The following KRT15 variants were observed in gnomAD, a reference collection of about 807,000 sequenced individuals.
KRT15 encodes the protein keratin, type I cytoskeletal 15.
A neutral mutation model predicts 46.6 loss-of-function variants in KRT15; 45 were observed. The ratio of observed to expected loss-of-function variants is 0.97; its 90% CI spans 0.76 to 1.24. The LOEUF (loss-of-function observed/expected upper bound fraction) is 1.24, where lower values mean the gene tolerates loss of function less well. Ranked by LOEUF, KRT15 falls within the 50% of genes most tolerant of loss-of-function variation. The pLI, the probability that KRT15 is intolerant of heterozygous loss-of-function variation, is 0.00. For synonymous variants in KRT15, 221 were observed against 233.8 expected, an observed-to-expected ratio of 0.95 and a Z score of 0.50; for missense variants, 592 against 588.9, an observed-to-expected ratio of 1.01 and a Z score of -0.05.
At position 41,516,145 on chromosome 17, in the gene KRT15, C is replaced by A. The variant is rs1481678602; in HGVS notation, c.859G>T (p.Glu287Ter). 1 of 1,614,086 alleles carries A rather than the reference C, an allele frequency of 6.2e-7. No individual in the cohort carries two copies. Among genetic ancestry groups the A allele is most frequent in the Non-Finnish European group, 8.5e-7 (1 of 1,180,042 alleles). The change falls in exon 4 of 8, where the codon GAG (glutamate) becomes TAG (stop). Residue 287 changes from glutamate to a stop codon, truncating the protein, a stop_gained. Transcript: ENST00000254043. LOFTEE classifies it high-confidence loss of function. ...EMREQYEAMA[E>*]KNRRDVEAWF... ...GCCTCGACATCCCGGCGGTTCTTCT[C>A]CGCCATGGCCTCGTACTGCTCCCTC...
chr17:41,518,577 C>G lies in KRT15; in HGVS notation c.251G>C (p.Gly84Ala), dbSNP rs760106747. Residue 84 changes from glycine to alanine, a missense_variant, in exon 1 of 8, where the codon GGC (glycine) becomes GCC (alanine). Coordinates refer to ENST00000254043, the MANE Select transcript of KRT15 (RefSeq NM_002275.4). ...GCCACCACCAAAACCCCCACCAACG[C>G]CCCCTCCAAAGCCTCCACCGAAAAC... ...GSVFGGGFGG[G>A]VGGGFGGGFG... 8.7e-6 allele frequency: 14 copies of G among 1,613,482 alleles called. No homozygotes were observed. The highest frequency in any genetic ancestry group is 1.0e-5 in the Non-Finnish European group (12 of 1,179,904).
rs895924375 is a variant in KRT15 at position 41,514,150 on chromosome 17, G to C, written c.1274-30C>G. On this transcript the variant is annotated intron_variant, in intron 7 of 7. Coordinates refer to ENST00000254043, the MANE Select transcript of KRT15 (RefSeq NM_002275.4). ...AGAGAGAAGGAGTAGGCTTTAGAGT[G>C]GGGGAACCTCCCCGCTCTGCCACGG... 3 of 1,564,066 alleles carry C rather than the reference G, an allele frequency of 1.9e-6. No individual in the cohort carries two copies. The Admixed American group carries it at 5.0e-5, about 26-fold the overall frequency.
intron 1 of KRT15, among the ~76,000 whole-genome samples, chr17:41,518,013 GC>G (rs1169185036): frequency 4.6e-5 from 7 of 152,040 alleles, no homozygotes; most frequent in African/African-American, 1.4e-4. Flanking sequence ...TATCACCTTG[GC>G]CCCCCAAAGC....
At chr17:41,514,179 C>T (rs1236731101) in intron 7 of KRT15, 59 bp from the exon 8 acceptor site, 3 of 1,371,198 alleles carry the variant, frequency 2.2e-6, no homozygotes, top group Non-Finnish European at 3.1e-6. Flanking sequence ...GCCACGGTGG[C>T]CAGGACCTTG....
intron 6 of KRT15, 33 bp downstream of exon 6, chr17:41,515,439 T>C (rs1228556955): frequency 3.1e-6 from 5 of 1,592,804 alleles, no homozygotes; most frequent in Middle Eastern, 3.3e-4. Flanking sequence ...CAAGCAGCCC[T>C]CATCACTCCT....
Position 41,518,393 on chromosome 17 carries a change from G to T in KRT15, c.435C>A (p.Thr145=), listed in dbSNP as rs780539892. 1 of 1,613,934 alleles carries T rather than the reference G, an allele frequency of 6.2e-7. No homozygotes were observed. Among genetic ancestry groups the T allele is most frequent in the Admixed American group, 1.7e-5 (1 of 59,990 alleles). ...TGTAGTCGCATTCTGGGCTGGTTGG[G>T]GTCTGCTTCTGGTACCAGTCATGGA... ...VKIHDWYQKQ[T]PTSPECDYSQ... is the part of the protein sequence containing the mutation. The change falls in exon 1 of 8, where the codon ACC becomes ACA. Residue 145 remains threonine, a synonymous_variant. Transcript: ENST00000254043.
chr17:41,517,275 C>A, intron 1 of KRT15, 110 bp from the exon 2 acceptor site: 1 of 901,828 alleles, frequency 1.1e-6, no homozygotes, highest in South Asian at 1.5e-5. Context: ...CTGACAATCA[C>A]CCCTCTGACA....
In KRT15 at chr17:41,518,746, C is replaced by T; in HGVS notation, c.82G>A (p.Gly28Ser). The T allele has an allele frequency of 6.2e-7, 1 of 1,603,060 alleles. No individual in the cohort carries two copies. ...GAGAGACTCCCCCCACCAAAGCCAC[C>T]TCCCCCAGCCAGGAGGGAACCCCCT... ...TRGGSLLAGG[G>S]GFGGGSLSGG... The change falls in exon 1 of 8, where the codon GGT (glycine) becomes AGT (serine). Residue 28 changes from glycine to serine, a missense_variant. Coordinates refer to ENST00000254043, the MANE Select transcript of KRT15 (RefSeq NM_002275.4).
Position 41,516,852 on chromosome 17 carries a change from C to G in KRT15, c.694G>C (p.Gly232Arg). ...AGGTAGGCTAGCTCCTCATTCAGGC[C>G]CTCGATCTGCATCTCCAGGTCAGTC... ...ARTDLEMQIE[G>R]LNEELAYLKK... Residue 232 changes from glycine (G) to arginine (R), a missense_variant, in exon 3 of 8, where the codon GGC (glycine) becomes CGC (arginine). By Grantham distance (125) the Gly-to-Arg change is moderately radical (BLOSUM62 -2). Transcript: ENST00000254043. The G allele has an allele frequency of 2.5e-6, 4 of 1,614,216 alleles. No homozygotes were observed. The highest frequency in any genetic ancestry group is 3.4e-6 in the Non-Finnish European group (4 of 1,180,044).
Position 41,513,843 on chromosome 17 carries a change from TGGG to T in KRT15, c.*177_*179del. 5 of 603,006 alleles carry T rather than the reference TGGG, an allele frequency of 8.3e-6. No homozygotes were observed. The South Asian group carries it at 9.4e-5, about 11-fold the overall frequency. 37.4% of individuals were successfully genotyped at this position (603,006 alleles called of 1,614,324 possible). A position where few individuals can be genotyped will look rare whatever the true frequency, so the allele number is the denominator to read the frequency against. Reference sequence around the variant, plus strand: ...CTGCATCTCCTTGCTCCAAAGAAGGTGGGGAGAGGCAGAGGGGGAATAGAGCGC... The same window carrying T: ...CTGCATCTCCTTGCTCCAAAGAAGGTGAGAGGCAGAGGGGGAATAGAGCGC... On this transcript the variant is annotated 3_prime_UTR_variant, in exon 8 of 8. Coordinates refer to ENST00000254043, the MANE Select transcript of KRT15 (RefSeq NM_002275.4).
chr17:41,518,197 G>T, intron 1 of KRT15, 133 bp downstream of exon 1: 1 of 1,036,350 alleles, frequency 9.6e-7, no homozygotes, highest in Non-Finnish European at 1.4e-6. Context: ...TTCCAAATTT[G>T]CTGAGATTAC....
chr17:41,514,020 C>A lies in KRT15; in HGVS notation c.*3G>T, dbSNP rs751654645. On this transcript the variant is annotated 3_prime_UTR_variant, in exon 8 of 8. Coordinates refer to ENST00000254043, the MANE Select transcript of KRT15 (RefSeq NM_002275.4). ...CAAGGGACGTTTCTCCTGCAATAGACACTTAGATTTCTCTCTTGTGGGAAG... is the reference window on the plus strand; with the variant it reads ...CAAGGGACGTTTCTCCTGCAATAGAAACTTAGATTTCTCTCTTGTGGGAAG... The A allele has an allele frequency of 1.6e-5, 26 of 1,606,404 alleles. No individual in the cohort carries two copies. Among genetic ancestry groups the A allele is most frequent in the Non-Finnish European group, 2.0e-5 (24 of 1,173,174 alleles).
In KRT15 at chr17:41,516,870, G is replaced by T. The variant is rs375580914; in HGVS notation, c.676C>A (p.Leu226Met). 6.2e-7 allele frequency: 1 copy of T among 1,614,108 alleles called. No individual in the cohort carries two copies. The highest frequency in any genetic ancestry group is 1.3e-5 in the African/African-American group (1 of 74,940). The change falls in exon 3 of 8, where the codon CTG (leucine) becomes ATG (methionine). Residue 226 changes from leucine (L) to methionine (M), a missense_variant. Coordinates refer to ENST00000254043, the MANE Select transcript of KRT15 (RefSeq NM_002275.4). ...LDELTLARTD[L>M]EMQIEGLNEE... The stretch of plus-strand genomic sequence containing the variant: ...TTCAGGCCCTCGATCTGCATCTCCA[G>T]GTCAGTCCTGGCCAGGGTCAGCTCA...
At chr17:41,516,662 C>CA in intron 3 of KRT15, 146 bp downstream of exon 3, 9 of 898,620 alleles carry the variant, frequency 1.0e-5, no homozygotes, top group Non-Finnish European at 1.5e-5. Context: ...CCAACAGCCC[C>CA]ACTCTGCCTC....
At chr17:41,514,516 G>A (rs1257059614) in intron 7 of KRT15, 133 bp downstream of exon 7, 17 of 772,478 alleles carry the variant, frequency 2.2e-5, no homozygotes, top group East Asian at 1.9e-4. Flanking sequence ...TGGGGAAGAG[G>A]CATCTAATGA....
chr17:41,517,993 C>T (rs760055532), intron 1 of KRT15, among the ~76,000 whole-genome samples: 1 of 152,090 alleles, frequency 6.6e-6, no homozygotes, highest in Non-Finnish European at 1.5e-5. Flanking sequence ...ATCCTGGACA[C>T]GAGCAATCCT....
intron 1 of KRT15, 87 bp from the exon 2 acceptor site, chr17:41,517,252 A>AAATCACCCCTCACTGAC: frequency 8.7e-7 from 1 of 1,147,690 alleles, no homozygotes; most frequent in Non-Finnish European, 1.3e-6. Context: ...CCCTCATTGA[A>AAATCACCCCTCACTGAC]AATCACCCCT....
chr17:41,514,935 C>T (rs763252052), intron 6 of KRT15: 22 of 393,248 alleles, frequency 5.6e-5, no homozygotes, highest in Non-Finnish European at 9.2e-5. Flanking sequence ...GGCACGATCT[C>T]AGCCCACTGA....
At chr17:41,517,348 A>T (rs1280508235) in intron 1 of KRT15, 183 bp from the exon 2 acceptor site, 5 of 606,178 alleles carry the variant, frequency 8.2e-6, no homozygotes, top group Non-Finnish European at 1.5e-5. Context: ...TTCAGTGTCC[A>T]TTTCTTGTTT....
Sources: allele counts gnomAD v4.1 joint callset (sites outside exome capture counted in the v4.1 genomes callset), GRCh38; gene constraint gnomAD v4.1.1; transcripts MANE v1.5; gene names NCBI Gene and HGNC (gene_info 2026-07-23, HGNC 2026-07-21).